The following LIMS1 variants were observed in gnomAD, a reference collection of about 807,000 sequenced individuals.
LIMS1 encodes the protein LIM and senescent cell antigen-like-containing domain protein 1.
LIMS1 carries 18 observed loss-of-function variants against 44.1 expected under a neutral mutation model. The observed-to-expected ratio is 0.41, with a 90% CI of 0.28 to 0.61. The LOEUF (loss-of-function observed/expected upper bound fraction) is 0.61, where lower values mean the gene tolerates loss of function less well. Ranked by LOEUF, LIMS1 falls within the 20% of genes least tolerant of loss-of-function variation. The probability of loss-of-function intolerance (pLI) is 0.32; values close to 1 mark genes in which losing one functional copy is unlikely to be tolerated. For missense variants in LIMS1, 201 were observed against 422.0 expected, an observed-to-expected ratio of 0.48 and a Z score of 4.59; for synonymous variants, 93 against 149.1, an observed-to-expected ratio of 0.62 and a Z score of 2.74.
chr2:108,621,362 C>T, intron 1 of LIMS1: 1 of 1,550,656 alleles, frequency 6.4e-7, no homozygotes, highest in Non-Finnish European at 8.7e-7. Context: ...AGTATGACTG[C>T]ATTACAGCTT....
chr2:108,624,339 TC>T (rs1688436501), intron 1 of LIMS1, among the ~76,000 whole-genome samples: 1 of 152,248 alleles, frequency 6.6e-6, no homozygotes, highest in Non-Finnish European at 1.5e-5. Context: ...CCTGAGAAAT[TC>T]CTGCCCTTTA....
chr2:108,580,278 T>C (rs1685836564), intron 1 of LIMS1, among the ~76,000 whole-genome samples: 1 of 152,184 alleles, frequency 6.6e-6, no homozygotes, highest in Non-Finnish European at 1.5e-5. Context: ...TCTACTCAGA[T>C]TTCTAGTCTT....
chr2:108,551,936 T>TGA (rs1394308418), intron 1 of LIMS1, among the ~76,000 whole-genome samples: 2 of 86,798 alleles, frequency 2.3e-5, no homozygotes, highest in African/African-American at 8.1e-5. Context: ...TATATGTGTG[T>TGA]GTGTGTGTGT....
At chr2:108,646,830 CGAATAGCTGGGACTAT>C (rs1558826571) in intron 1 of LIMS1, among the ~76,000 whole-genome samples, 1 of 152,144 alleles carries the variant, frequency 6.6e-6, no homozygotes, top group Non-Finnish European at 1.5e-5. Context: ...CTCAGCCTCC[CGAATAGCTGGGACTAT>C]GAGTAGCTGG....
chr2:108,677,831 G>T (rs1288241418), intron 7 of LIMS1, 148 bp from the exon 8 acceptor site: 9 of 1,293,898 alleles, frequency 7.0e-6, no homozygotes, highest in Middle Eastern at 2.7e-4. Flanking sequence ...TACTTTCATT[G>T]TAAGAAGTAA....
chr2:108,569,236 A>G (rs1375851843), intron 1 of LIMS1, among the ~76,000 whole-genome samples: 1 of 152,138 alleles, frequency 6.6e-6, no homozygotes, highest in Non-Finnish European at 1.5e-5. Context: ...TATTCTGGAT[A>G]TTAAAGCCTC....
chr2:108,550,459 A>C (rs886251564), intron 1 of LIMS1, among the ~76,000 whole-genome samples: 1 of 151,596 alleles, frequency 6.6e-6, no homozygotes, highest in East Asian at 1.9e-4. Flanking sequence ...AGATCACGCC[A>C]CTGCACTCCA....
chr2:108,616,078 G>A (rs1472371918), intron 1 of LIMS1, among the ~76,000 whole-genome samples: 1 of 151,158 alleles, frequency 6.6e-6, no homozygotes, highest in African/African-American at 2.4e-5. Flanking sequence ...TTTGCATATT[G>A]TATCAGTGGC....
chr2:108,623,218 A>AT (rs5833296), intron 1 of LIMS1, among the ~76,000 whole-genome samples: 11 of 59,642 alleles, frequency 1.8e-4, no homozygotes, highest in Admixed American at 3.0e-4. Context: ...TTATGCCTGG[A>AT]TTTTTTTTTT....
chr2:108,595,437 A>C (rs187772652), intron 1 of LIMS1, among the ~76,000 whole-genome samples: 1 of 152,276 alleles, frequency 6.6e-6, no homozygotes, highest in Non-Finnish European at 1.5e-5. Flanking sequence ...TCAGACTGCT[A>C]TTCCAGCAAA....
chr2:108,664,198 A>C (rs1691589264), intron 2 of LIMS1, among the ~76,000 whole-genome samples: 1 of 152,152 alleles, frequency 6.6e-6, no homozygotes. Context: ...CTGTGGATCC[A>C]CTCACTTCAA....
chr2:108,563,722 TTAGTAAA>T (rs1558789004), intron 1 of LIMS1, among the ~76,000 whole-genome samples: 2 of 152,146 alleles, frequency 1.3e-5, no homozygotes, highest in Non-Finnish European at 2.9e-5. Flanking sequence ...ATACATAAAC[TTAGTAAA>T]GCAATGGCAG....
At chr2:108,681,447 A>T (rs771465916) in intron 9 of LIMS1, 1 of 973,876 alleles carries the variant, frequency 1.0e-6, no homozygotes, top group South Asian at 4.8e-5. Flanking sequence ...TAATGGATTT[A>T]AAGGGAAGAA....
intron 6 of LIMS1, 126 bp from the exon 7 acceptor site, chr2:108,676,480 T>C (rs1193768448): frequency 4.3e-6 from 5 of 1,165,252 alleles, no homozygotes; most frequent in Admixed American, 2.7e-5. Context: ...GGGCCACCTA[T>C]GGCCAAATGA....
At chr2:108,640,987 G>A (rs535135509) in intron 1 of LIMS1, among the ~76,000 whole-genome samples, 1 of 152,144 alleles carries the variant, frequency 6.6e-6, no homozygotes, top group East Asian at 1.9e-4. Flanking sequence ...CTAATTCTGT[G>A]AGTTCAATTG....
At chr2:108,669,059 A>C (rs1691983713) in intron 2 of LIMS1, among the ~76,000 whole-genome samples, 1 of 152,196 alleles carries the variant, frequency 6.6e-6, no homozygotes, top group Non-Finnish European at 1.5e-5. Flanking sequence ...CATAGCAAGA[A>C]CTAGTCTAAA....
At chr2:108,552,012 T>A (rs1195742839) in intron 1 of LIMS1, among the ~76,000 whole-genome samples, 1 of 145,310 alleles carries the variant, frequency 6.9e-6, no homozygotes, top group East Asian at 2.0e-4. Flanking sequence ...TCATTTTCAA[T>A]CTGAACGTCC....
intron 2 of LIMS1, among the ~76,000 whole-genome samples, chr2:108,667,730 C>T (rs973271924): frequency 6.6e-6 from 1 of 151,638 alleles, no homozygotes; most frequent in Non-Finnish European, 1.5e-5. Flanking sequence ...ACACCCCCTC[C>T]ACCCCACTCC....
intron 1 of LIMS1, among the ~76,000 whole-genome samples, chr2:108,604,758 A>G (rs754643245): frequency 6.6e-6 from 1 of 150,678 alleles, no homozygotes. Context: ...AGGATGAAAC[A>G]GGGGACCAGC....
Sources: allele counts gnomAD v4.1 joint callset (sites outside exome capture counted in the v4.1 genomes callset), GRCh38; gene constraint gnomAD v4.1.1; transcripts MANE v1.5; gene names NCBI Gene and HGNC (gene_info 2026-07-23, HGNC 2026-07-21).